The following CHST8 variants were observed in gnomAD, a reference collection of about 807,000 sequenced individuals.
The protein encoded by CHST8 is carbohydrate sulfotransferase 8.
In CHST8, 10 loss-of-function variants were observed where a neutral mutation model predicts 15.0. The observed-to-expected ratio is 0.67, with a 90% confidence interval of 0.41 to 1.13. The LOEUF is 1.13. CHST8 is among the 50% of genes most tolerant of loss of function. CHST8 has a pLI of 0.00. For synonymous variants in CHST8, 259 were observed against 256.6 expected (o/e 1.01, Z -0.09); for missense variants, 634 against 608.2 (o/e 1.04, Z -0.45).
rs1971987846 is a variant in CHST8 at position 33,621,973 on chromosome 19, G to C, written c.-487G>C. On this transcript the variant is annotated 5_prime_UTR_variant, in exon 1 of 5. Coordinates refer to ENST00000650847, the MANE Select transcript of CHST8 (RefSeq NM_001127895.2). ...CTCTCACTTCGCTGGGAGCCTTCCC[G>C]GCGCGCAAGCCGGATCCGGCAGTGC... The C allele has an allele frequency of 2.0e-5, 3 of 152,070 alleles. No homozygotes were observed. Among genetic ancestry groups the C allele is most frequent in the East Asian group, 2.0e-4 (1 of 5,106 alleles). 9.4% of individuals were successfully genotyped at this position (152,070 alleles called of 1,614,324 possible).
chr19:33,768,046 G>A (rs1422237585), intron 3 of CHST8, among the ~76,000 whole-genome samples: 1 of 152,198 alleles, frequency 6.6e-6, no homozygotes, highest in Non-Finnish European at 1.5e-5. Flanking sequence ...CCTGAGCGCT[G>A]ATGGAGCTGT....
intron 3 of CHST8, among the ~76,000 whole-genome samples, chr19:33,718,876 C>T (rs555375868): frequency 5.1e-4 from 78 of 152,276 alleles, no homozygotes; most frequent in African/African-American, 1.8e-3. Flanking sequence ...GAGCTGTGGG[C>T]GGGGCCTGTG....
chr19:33,653,903 A>G (rs1218927283), intron 1 of CHST8, among the ~76,000 whole-genome samples: 1 of 152,198 alleles, frequency 6.6e-6, no homozygotes, highest in Non-Finnish European at 1.5e-5. Flanking sequence ...ACAGTTGCCC[A>G]GAAGTCATTA....
chr19:33,656,942 A>G (rs1318542034), intron 1 of CHST8, among the ~76,000 whole-genome samples: 2 of 152,142 alleles, frequency 1.3e-5, no homozygotes, highest in African/African-American at 4.8e-5. Context: ...GAATATGTAT[A>G]TTTCTATGCA....
chr19:33,754,329 G>A (rs923153458), intron 3 of CHST8, among the ~76,000 whole-genome samples: 6 of 151,388 alleles, frequency 4.0e-5, no homozygotes, highest in Non-Finnish European at 8.8e-5. Context: ...CAAGTCACCC[G>A]GGTCCATGAC....
intron 3 of CHST8, among the ~76,000 whole-genome samples, chr19:33,701,549 A>G (rs891615632): frequency 5.9e-5 from 9 of 152,350 alleles, no homozygotes; most frequent in African/African-American, 2.2e-4. Flanking sequence ...AAATTGGGAC[A>G]ATCATGTCCA....
At chr19:33,671,854 G>A (rs1860992315) in intron 2 of CHST8, among the ~76,000 whole-genome samples, 1 of 151,900 alleles carries the variant, frequency 6.6e-6, no homozygotes, top group Non-Finnish European at 1.5e-5. Flanking sequence ...GCCTAGAATA[G>A]TGCCAGGCAT....
rs2145401573 is a variant in CHST8 at position 33,773,336 on chromosome 19, T to C, written c.*273T>C. ...ACCCCTGGAGCTCAGCCGACAGTTTTGATGAGCAGGGAAGTCTGAGGCCCA... is the reference window on the plus strand; with the variant it reads ...ACCCCTGGAGCTCAGCCGACAGTTTCGATGAGCAGGGAAGTCTGAGGCCCA... On this transcript the variant is annotated 3_prime_UTR_variant, in exon 5 of 5. Coordinates refer to ENST00000650847, the MANE Select transcript of CHST8 (RefSeq NM_001127895.2). 1 of 486,374 alleles carries C rather than the reference T, an allele frequency of 2.1e-6. No homozygotes were observed. The highest frequency in any genetic ancestry group is 3.4e-5 in the East Asian group (1 of 29,124). 30.1% of individuals were successfully genotyped at this position (486,374 alleles called of 1,614,324 possible).
chr19:33,661,449 T>C (rs886806185), intron 1 of CHST8, among the ~76,000 whole-genome samples: 2 of 152,198 alleles, frequency 1.3e-5, no homozygotes, highest in African/African-American at 4.8e-5. Flanking sequence ...CTTGTGGAGG[T>C]CACCTTTATG....
At chr19:33,654,202 C>T (rs1433670964) in intron 1 of CHST8, among the ~76,000 whole-genome samples, 1 of 152,138 alleles carries the variant, frequency 6.6e-6, no homozygotes, top group African/African-American at 2.4e-5. Context: ...TTGAAATCTA[C>T]ATGCTTGTTT....
At chr19:33,662,087 T>G (rs1600244524) in intron 1 of CHST8, among the ~76,000 whole-genome samples, 1 of 151,910 alleles carries the variant, frequency 6.6e-6, no homozygotes. Context: ...TTTTTAAAAT[T>G]TATTTATTTT....
At chr19:33,711,378 G>A (rs561113052) in intron 3 of CHST8, among the ~76,000 whole-genome samples, 1 of 152,170 alleles carries the variant, frequency 6.6e-6, no homozygotes, top group Non-Finnish European at 1.5e-5. Context: ...AGAGCCCTCA[G>A]AAGGTATCAG....
chr19:33,656,200 A>G (rs1972508657), intron 1 of CHST8, among the ~76,000 whole-genome samples: 1 of 152,092 alleles, frequency 6.6e-6, no homozygotes, highest in Admixed American at 6.6e-5. Flanking sequence ...TTAGATAGTA[A>G]TGTATCCCAT....
At chr19:33,640,880 A>C (rs867919121) in intron 1 of CHST8, among the ~76,000 whole-genome samples, 2 of 152,128 alleles carry the variant, frequency 1.3e-5, no homozygotes, top group Middle Eastern at 3.4e-3. Flanking sequence ...GCTGCTGGGA[A>C]TATCTGCTGC....
chr19:33,716,886 G>C (rs1973674743), intron 3 of CHST8, among the ~76,000 whole-genome samples: 1 of 152,166 alleles, frequency 6.6e-6, no homozygotes, highest in South Asian at 2.1e-4. Flanking sequence ...GGTTTCTTCT[G>C]GGACCTTTCT....
chr19:33,695,821 C>G (rs138512082), intron 3 of CHST8, among the ~76,000 whole-genome samples: 5 of 76,240 alleles, frequency 6.6e-5, no homozygotes, highest in African/African-American at 2.5e-4. Flanking sequence ...TTCTTTCTTT[C>G]TTTTTTTTTT....
intron 3 of CHST8, among the ~76,000 whole-genome samples, chr19:33,759,532 G>A (rs1388563162): frequency 6.6e-6 from 1 of 152,182 alleles, no homozygotes; most frequent in Non-Finnish European, 1.5e-5. Flanking sequence ...AGAAGTGCTG[G>A]TATCATGCCC....
intron 2 of CHST8, among the ~76,000 whole-genome samples, chr19:33,681,956 T>A (rs60823342): frequency 0.011 from 1,619 of 149,444 alleles, 29 homozygotes; most frequent in African/African-American, 0.033. Flanking sequence ...AATCTCCACC[T>A]CCCATTCTCC....
intron 2 of CHST8, among the ~76,000 whole-genome samples, chr19:33,675,834 C>T (rs1349403501): frequency 3.3e-5 from 5 of 152,234 alleles, no homozygotes; most frequent in Admixed American, 6.5e-5. Context: ...TTTTCTCCCT[C>T]AGCTGATTTT....
Sources: allele counts gnomAD v4.1 joint callset (sites outside exome capture counted in the v4.1 genomes callset), GRCh38; gene constraint gnomAD v4.1.1; transcripts MANE v1.5; gene names NCBI Gene and HGNC (gene_info 2026-07-23, HGNC 2026-07-21).